Variants in TTC21B observed in about 807,000 individuals in gnomAD.
TTC21B encodes tetratricopeptide repeat domain 21B, also known as tetratricopeptide repeat protein 21B.
TTC21B carries 127 observed loss-of-function variants against 175.1 expected under a neutral mutation model. The observed-to-expected ratio is 0.73, with a 90% CI of 0.63 to 0.84. The LOEUF (loss-of-function observed/expected upper bound fraction) is 0.84, where lower values mean the gene tolerates loss of function less well. Ranked by LOEUF, TTC21B falls within the 40% of genes least tolerant of loss-of-function variation. The pLI is 0.00. For synonymous variants in TTC21B, 524 were observed against 524.5 expected (o/e 1.00, Z 0.01); for missense variants, 1,561 against 1,558.3 (o/e 1.00, Z -0.03).
At chr2:165,899,905 T>C in intron 20 of TTC21B, 25 bp from the exon 21 acceptor site, 1 of 1,390,656 alleles carries the variant, frequency 7.2e-7, no homozygotes, top group Non-Finnish European at 1.0e-6. Flanking sequence ...GCTAGATTCA[T>C]CAGACACTGT....
chr2:165,952,003 T>G (rs1687775533), intron 1 of TTC21B, among the ~76,000 whole-genome samples: 1 of 152,186 alleles, frequency 6.6e-6, no homozygotes. Flanking sequence ...ACGTACACGC[T>G]CTTCCTATTT....
chr2:165,889,691 A>C (rs1685125188), intron 24 of TTC21B, among the ~76,000 whole-genome samples: 2 of 151,948 alleles, frequency 1.3e-5, no homozygotes. Flanking sequence ...TCTACCACTA[A>C]TTTTCTCCAG....
At chr2:165,906,551 T>C (rs1685740907) in intron 19 of TTC21B, among the ~76,000 whole-genome samples, 1 of 152,080 alleles carries the variant, frequency 6.6e-6, no homozygotes, top group Admixed American at 6.5e-5. Context: ...AAATTCCAAA[T>C]TGATATAAGA....
At chr2:165,940,466 A>T (rs1209846920) in intron 6 of TTC21B, among the ~76,000 whole-genome samples, 2 of 151,496 alleles carry the variant, frequency 1.3e-5, no homozygotes, top group African/African-American at 2.4e-5. Context: ...CTCACACCTT[A>T]CTCACCTCTC....
chr2:165,943,469 T>C, intron 4 of TTC21B, 128 bp from the exon 5 acceptor site: 1 of 764,536 alleles, frequency 1.3e-6, no homozygotes, highest in Non-Finnish European at 2.1e-6. Context: ...TTATGAACAA[T>C]AAAATTCTGT....
chr2:165,888,236 A>C, intron 25 of TTC21B, 43 bp downstream of exon 25: 1 of 1,401,418 alleles, frequency 7.1e-7, no homozygotes, highest in Non-Finnish European at 1.0e-6. Context: ...CTATACTACC[A>C]AATAAAGATA....
intron 18 of TTC21B, among the ~76,000 whole-genome samples, chr2:165,908,492 A>G (rs775827724): frequency 1.9e-4 from 29 of 152,210 alleles, no homozygotes; most frequent in Non-Finnish European, 3.4e-4. Flanking sequence ...ACAATAAAAG[A>G]ACCCTAGATA....
chr2:165,927,358 T>C (rs1686716649), intron 11 of TTC21B, among the ~76,000 whole-genome samples: 1 of 77,652 alleles, frequency 1.3e-5, no homozygotes, highest in South Asian at 3.9e-4. Context: ...TAATATATTT[T>C]ATATATATAT....
At chr2:165,916,416 T>G (rs1255410513) in intron 14 of TTC21B, among the ~76,000 whole-genome samples, 3 of 152,244 alleles carry the variant, frequency 2.0e-5, no homozygotes, top group Non-Finnish European at 2.9e-5. Flanking sequence ...TTCCTCATTT[T>G]CTACAAAGTT....
In TTC21B at chr2:165,873,420, A is replaced by C. The variant is rs1383432613; in HGVS notation, c.*1335T>G. 6.6e-6 allele frequency: 1 copy of C among 152,230 alleles called. No individual in the cohort carries two copies. Among genetic ancestry groups the C allele is most frequent in the African/African-American group, 2.4e-5 (1 of 41,462 alleles). The allele number at this position is 152,230 out of a possible 1,614,324, so 9.4% of individuals were successfully genotyped here. A position where few individuals can be genotyped will look rare whatever the true frequency, so the allele number is the denominator to read the frequency against. Reference sequence around the variant, plus strand: ...TAAAATTGAGGACTGTGTTTACTACAATTTTAAGGAAAATTGAAAAAGATG... The same window carrying C: ...TAAAATTGAGGACTGTGTTTACTACCATTTTAAGGAAAATTGAAAAAGATG... On this transcript the variant is annotated 3_prime_UTR_variant, in exon 29 of 29. Transcript: ENST00000243344.
chr2:165,876,188 C>A lies in TTC21B; in HGVS notation c.3850G>T (p.Asp1284Tyr). 1.2e-6 allele frequency: 2 copies of A among 1,603,678 alleles called. No homozygotes were observed. The highest frequency in any genetic ancestry group is 1.7e-6 in the Non-Finnish European group (2 of 1,172,282). ...FNYLKAKRYVDSIDICHQVLE... is the reference protein window; with the variant it reads ...FNYLKAKRYVYSIDICHQVLE... Reference sequence around the variant, plus strand: ...ACCTGGTGACATATGTCAATTGAATCCACATATCTTTTTGCTTTTAAGTAA... The same window carrying A: ...ACCTGGTGACATATGTCAATTGAATACACATATCTTTTTGCTTTTAAGTAA... Residue 1284 changes from aspartate to tyrosine, a missense_variant, in exon 28 of 29, where the codon GAT becomes TAT. Transcript: ENST00000243344.
intron 18 of TTC21B, among the ~76,000 whole-genome samples, chr2:165,910,148 A>G (rs576117191): frequency 6.6e-6 from 1 of 152,312 alleles, no homozygotes; most frequent in African/African-American, 2.4e-5. Context: ...TCACGCCTGT[A>G]ATCCCAGCAC....
chr2:165,897,895 A>G (rs571457788), intron 22 of TTC21B, among the ~76,000 whole-genome samples: 6 of 152,322 alleles, frequency 3.9e-5, no homozygotes, highest in African/African-American at 1.2e-4. Context: ...ACTGTGCCAA[A>G]TATGATGACA....
At chr2:165,899,945 G>A (rs1311554438) in intron 20 of TTC21B, 65 bp from the exon 21 acceptor site, 10 of 937,318 alleles carry the variant, frequency 1.1e-5, no homozygotes, top group Middle Eastern at 2.3e-4. Context: ...AGGAAAATAC[G>A]TGGGTACAGA....
Position 165,943,346 on chromosome 2 carries a change from A to G in TTC21B, c.430-5T>C. 6.3e-7 allele frequency: 1 copy of G among 1,594,678 alleles called. No homozygotes were observed. Among genetic ancestry groups the G allele is most frequent in the South Asian group, 1.1e-5 (1 of 90,192 alleles). On this transcript the variant is annotated splice_region_variant and splice_polypyrimidine_tract_variant and intron_variant, in intron 4 of 28. Coordinates refer to ENST00000243344, the MANE Select transcript of TTC21B (RefSeq NM_024753.5). ...CCATGCTTTCAAAACGTGTCCCTGT[A>G]AAATGAATAATTCTATTTTTACTTT...
At position 165,945,686 on chromosome 2, in the gene TTC21B, T is replaced by C. The variant is rs1167780176; in HGVS notation, c.267A>G (p.Arg89=). ...YAHKMSPNPD[R]EAILESDARV... is the part of the protein sequence containing the mutation. ...TGGCATCTGATTCCAGAATAGCTTC[T>C]CTATCTGGTAGGGGAAAATGATATT... Residue 89 remains arginine (R), a synonymous_variant, in exon 4 of 29, where the codon AGA becomes AGG. Coordinates refer to ENST00000243344, the MANE Select transcript of TTC21B (RefSeq NM_024753.5). The C allele has an allele frequency of 6.2e-7, 1 of 1,612,966 alleles. No individual in the cohort carries two copies. The highest frequency in any genetic ancestry group is 1.3e-5 in the African/African-American group (1 of 75,028).
At chr2:165,902,014 C>T in intron 19 of TTC21B, 104 bp from the exon 20 acceptor site, 7 of 1,007,638 alleles carry the variant, frequency 6.9e-6, no homozygotes, top group Non-Finnish European at 9.0e-6. Flanking sequence ...ACATTATGAA[C>T]CCTTGATCTA....
In TTC21B at chr2:165,889,198, GTCT is replaced by G. The variant is rs1190963836; in HGVS notation, c.3264-727_3264-725del. ...CAAAGTCCAATCACTAAAGCCACTG[GTCT>G]TCTTCTCAGGCCTTAGGCTTATCTT... On this transcript the variant is annotated intron_variant, in intron 24 of 28. Coordinates refer to ENST00000243344, the MANE Select transcript of TTC21B (RefSeq NM_024753.5). 1.1e-4 allele frequency among the ~76,000 whole-genome samples: 16 copies of G among 152,270 alleles called. 1 individual carries two copies. The South Asian group carries it at 2.9e-3, about 28-fold the overall frequency.
intron 8 of TTC21B, 81 bp from the exon 9 acceptor site, chr2:165,930,445 T>A: frequency 9.4e-7 from 1 of 1,066,622 alleles, no homozygotes. Flanking sequence ...TCTAAATATA[T>A]ATATTATTTG....
Sources: gnomAD v4.1 joint callset for allele counts (sites outside exome capture counted in the v4.1 genomes callset) on GRCh38, gnomAD v4.1.1 for gene constraint, MANE v1.5 for transcripts, NCBI Gene and HGNC (gene_info 2026-07-23, HGNC 2026-07-21) for gene names.